EYS: variants seen among roughly 807,000 people sequenced by gnomAD.
EYS encodes the protein protein eyes shut homolog.
EYS carries 250 observed loss-of-function variants against 282.1 expected under a neutral mutation model. The ratio of observed to expected loss-of-function variants is 0.89; its 90% CI spans 0.80 to 0.98. EYS has a LOEUF of 0.98. Ranked by LOEUF, EYS falls within the 50% of genes least tolerant of loss-of-function variation. EYS has a pLI of 0.00. For missense variants in EYS, 4,016 were observed against 3,709.0 expected (o/e 1.08, Z -2.15); for synonymous variants, 1,355 against 1,282.9 (o/e 1.06, Z -1.20).
In EYS at chr6:65,010,042, G is replaced by A. The variant is rs1771816584; in HGVS notation, c.2138-12339C>T. 2.6e-5 allele frequency among the ~76,000 whole-genome samples: 4 copies of A among 152,306 alleles called. No individual in the cohort carries two copies. The South Asian group carries it at 8.3e-4, about 32-fold the overall frequency. On this transcript the variant is annotated intron_variant, in intron 13 of 42. Coordinates refer to ENST00000503581, the MANE Select transcript of EYS (RefSeq NM_001142800.2). ...TAAGATGGACACCTGAATCAGAAGT[G>A]GCTTTCCAGGCCCTAAAGAAGGCCC... is the stretch of plus-strand genomic sequence containing the variant.
intron 2 of EYS, among the ~76,000 whole-genome samples, chr6:65,596,091 T>C (rs556669895): frequency 2.0e-5 from 3 of 151,928 alleles, no homozygotes; most frequent in African/African-American, 7.2e-5. Flanking sequence ...GCTACATGAG[T>C]GAGTGTGAAA....
chr6:64,634,322 T>C (rs1767894293), intron 22 of EYS, among the ~76,000 whole-genome samples: 1 of 152,142 alleles, frequency 6.6e-6, no homozygotes, highest in African/African-American at 2.4e-5. Context: ...TGAGGGTAGA[T>C]TGTTATATGC....
intron 5 of EYS, among the ~76,000 whole-genome samples, chr6:65,417,042 C>T (rs1024761359): frequency 1.3e-5 from 2 of 151,976 alleles, no homozygotes; most frequent in African/African-American, 2.4e-5. Flanking sequence ...CTCAGTTATT[C>T]ATCCATGGTA....
chr6:65,639,135 A>G (rs983755437), intron 2 of EYS, among the ~76,000 whole-genome samples: 2 of 152,198 alleles, frequency 1.3e-5, no homozygotes, highest in East Asian at 3.9e-4. Flanking sequence ...AATCTAAGAG[A>G]AAAAGTAAAT....
intron 41 of EYS, among the ~76,000 whole-genome samples, chr6:63,743,726 T>C (rs1769141245): frequency 6.6e-6 from 1 of 152,214 alleles, no homozygotes; most frequent in South Asian, 2.1e-4. Context: ...AGAAGAGTCA[T>C]TCTTACTAAG....
At chr6:64,768,563 C>T (rs1172535673) in intron 22 of EYS, among the ~76,000 whole-genome samples, 1 of 152,130 alleles carries the variant, frequency 6.6e-6, no homozygotes, top group African/African-American at 2.4e-5. Flanking sequence ...AAAGGATGAA[C>T]CATTTCCCTT....
At chr6:65,088,627 T>C (rs1774457006) in intron 12 of EYS, among the ~76,000 whole-genome samples, 1 of 152,024 alleles carries the variant, frequency 6.6e-6, no homozygotes, top group African/African-American at 2.4e-5. Flanking sequence ...AGCCTGACCA[T>C]GAGGTAGAAA....
In EYS at chr6:64,809,321, G is replaced by A. The variant is rs114219743; in HGVS notation, c.3443+4057C>T. Among the ~76,000 whole-genome samples, 858 of 152,026 alleles carry A rather than the reference G, an allele frequency of 5.6e-3. 12 individuals carry two copies. Among genetic ancestry groups the A allele is most frequent in the African/African-American group, 0.02 (832 of 41,482 alleles). ...GAATAAACTAACTACTCTGTAAACA[G>A]AATATAATAATATGGCTTTTTAAGT... On this transcript the variant is annotated intron_variant, in intron 22 of 42. Transcript: ENST00000503581.
intron 22 of EYS, among the ~76,000 whole-genome samples, chr6:64,689,647 G>T (rs1770297615): frequency 2.0e-5 from 3 of 152,094 alleles, no homozygotes. Flanking sequence ...CAATGGAACA[G>T]AAGAGAGCCC....
chr6:65,169,835 T>C (rs1260330884), intron 12 of EYS, among the ~76,000 whole-genome samples: 2 of 151,512 alleles, frequency 1.3e-5, no homozygotes, highest in East Asian at 3.9e-4. Flanking sequence ...TACTAAATTG[T>C]TACACTAAAC....
chr6:64,257,822 A>G (rs887749434), intron 30 of EYS, among the ~76,000 whole-genome samples: 14 of 152,022 alleles, frequency 9.2e-5, no homozygotes, highest in Middle Eastern at 3.4e-3. Context: ...CATGACAGCA[A>G]CCGTGATCAT....
At position 65,371,826 on chromosome 6, in the gene EYS, G is replaced by A. The variant is rs185052103; in HGVS notation, c.1299+12560C>T. On this transcript the variant is annotated intron_variant, in intron 8 of 42. Transcript: ENST00000503581. ...AGAGAGGGACAGACAGAATGAGAGA[G>A]AGAGACAGAGACAGAGAGAGATTTT... Among the ~76,000 whole-genome samples the A allele has an allele frequency of 1.5e-3, 228 of 151,472 alleles. 2 individuals carry two copies. The highest frequency in any genetic ancestry group is 2.0e-3 in the Non-Finnish European group (137 of 67,870).
At position 64,625,448 on chromosome 6, in the gene EYS, T is replaced by C. The variant is rs542373570; in HGVS notation, c.3568+673A>G. Among the ~76,000 whole-genome samples, 4 of 152,348 alleles carry C rather than the reference T, an allele frequency of 2.6e-5. No individual in the cohort carries two copies. The South Asian group carries it at 6.2e-4, about 24-fold the overall frequency. ...AAGAACAAGTTGATGACAGATCCTG[T>C]GTCTGTGGAGAGCCTGCTTCTTGGT... On this transcript the variant is annotated intron_variant, in intron 23 of 42. Transcript: ENST00000503581.
chr6:64,615,181 T>C (rs1287484641), intron 24 of EYS, among the ~76,000 whole-genome samples: 1 of 152,056 alleles, frequency 6.6e-6, no homozygotes, highest in Non-Finnish European at 1.5e-5. Context: ...TGCAAATCAA[T>C]TTACCTTTTT....
chr6:64,283,514 A>C (rs1768385046), intron 30 of EYS, among the ~76,000 whole-genome samples: 1 of 152,208 alleles, frequency 6.6e-6, no homozygotes, highest in African/African-American at 2.4e-5. Flanking sequence ...AAATGATTAG[A>C]TGACTGACTG....
chr6:65,696,389 A>T (rs1261947771), intron 1 of EYS, among the ~76,000 whole-genome samples: 1 of 152,064 alleles, frequency 6.6e-6, no homozygotes, highest in Non-Finnish European at 1.5e-5. Flanking sequence ...CTATAAGAAT[A>T]TTAGACAACT....
intron 5 of EYS, among the ~76,000 whole-genome samples, chr6:65,461,616 C>T (rs1325802432): frequency 6.6e-6 from 1 of 151,924 alleles, no homozygotes; most frequent in Non-Finnish European, 1.5e-5. Context: ...ATTGCCACTT[C>T]ATGATCATGT....
chr6:65,288,338 G>A (rs1338628707), intron 12 of EYS, among the ~76,000 whole-genome samples: 1 of 150,620 alleles, frequency 6.6e-6, no homozygotes, highest in Non-Finnish European at 1.5e-5. Context: ...AGCTGTCTGA[G>A]TCTTCCACTG....
intron 33 of EYS, among the ~76,000 whole-genome samples, chr6:64,029,394 C>T (rs11751323): frequency 0.27 from 40,990 of 152,086 alleles, 6,292 homozygotes; most frequent in Middle Eastern, 0.37. Flanking sequence ...AGGAAAAGAT[C>T]TCACTGTCTG....
Sources: allele counts gnomAD v4.1 joint callset (sites outside exome capture counted in the v4.1 genomes callset), GRCh38; gene constraint gnomAD v4.1.1; transcripts MANE v1.5; gene names NCBI Gene and HGNC (gene_info 2026-07-23, HGNC 2026-07-21).